The following MEF2A variants were observed in gnomAD, a reference collection of about 807,000 sequenced individuals.
MEF2A encodes the protein myocyte enhancer factor 2A.
A neutral mutation model predicts 55.8 loss-of-function variants in MEF2A; 28 were observed. That is an observed-to-expected ratio of 0.50 (90% CI 0.37 to 0.69). The LOEUF (loss-of-function observed/expected upper bound fraction) is 0.69. Among genes scored for constraint, MEF2A ranks in the 30% least tolerant of loss-of-function variants. The probability of loss-of-function intolerance (pLI) is 0.00; values close to 1 mark genes in which losing one functional copy is unlikely to be tolerated. For synonymous variants in MEF2A, 239 were observed against 227.1 expected, an observed-to-expected ratio of 1.05 and a Z score of -0.47; for missense variants, 528 against 626.2, an observed-to-expected ratio of 0.84 and a Z score of 1.67.
In MEF2A at chr15:99,692,924, G is replaced by A. The variant is rs372664932; in HGVS notation, c.858+2496G>A. ...GGTGAAGGAACAGGAAGACATGCTC[G>A]GTATGGAGCGATGCCAGGAGAGTGG... On this transcript the variant is annotated intron_variant, in intron 8 of 11. Transcript: ENST00000557942. 3.9e-5 allele frequency among the ~76,000 whole-genome samples: 6 copies of A among 152,304 alleles called. No homozygotes were observed. In the East Asian group the frequency reaches 7.7e-4, roughly 20 times the overall value.
chr15:99,706,735 C>CAA lies in MEF2A; in HGVS notation c.890_891insAA (p.Ile299GlyfsTer18). 6.2e-7 allele frequency: 1 copy of CAA among 1,613,078 alleles called. No individual in the cohort carries two copies. Among genetic ancestry groups the CAA allele is most frequent in the Non-Finnish European group, 8.5e-7 (1 of 1,179,104 alleles). On this transcript the variant is annotated frameshift_variant, in exon 10 of 12. Transcript: ENST00000557942. LOFTEE classifies it high-confidence loss of function. Reference sequence around the variant, plus strand: ...CTCTTTTTTGATCTCACAGAATACCCAGAGGATCAGTAGTTCTCAAGCCAC... The same window carrying CAA: ...CTCTTTTTTGATCTCACAGAATACCCAAAGAGGATCAGTAGTTCTCAAGCCAC...
chr15:99,596,135 A>G (rs1255427197), intron 1 of MEF2A, among the ~76,000 whole-genome samples: 1 of 152,208 alleles, frequency 6.6e-6, no homozygotes, highest in African/African-American at 2.4e-5. Flanking sequence ...TAGGTACAAC[A>G]TACATCATCA....
chr15:99,607,906 G>T (rs1364312284), intron 2 of MEF2A, among the ~76,000 whole-genome samples: 1 of 152,152 alleles, frequency 6.6e-6, no homozygotes, highest in Non-Finnish European at 1.5e-5. Flanking sequence ...AGTTCAAGGT[G>T]CCCTGTGATT....
At chr15:99,697,708 T>C (rs1056779042) in intron 8 of MEF2A, among the ~76,000 whole-genome samples, 4 of 152,244 alleles carry the variant, frequency 2.6e-5, no homozygotes, top group Non-Finnish European at 5.9e-5. Flanking sequence ...CAAGCTCTTT[T>C]GTAGTTACTA....
At chr15:99,604,164 A>G (rs1357312890) in intron 2 of MEF2A, among the ~76,000 whole-genome samples, 2 of 152,188 alleles carry the variant, frequency 1.3e-5, no homozygotes, top group Admixed American at 1.3e-4. Context: ...CTTTGCAATA[A>G]TGCTGCCTAG....
At chr15:99,661,360 G>GA (rs1185978043) in intron 4 of MEF2A, among the ~76,000 whole-genome samples, 5 of 146,236 alleles carry the variant, frequency 3.4e-5, no homozygotes, top group Non-Finnish European at 7.5e-5. Context: ...AACTGGAAAG[G>GA]AAAAAACTGA....
At chr15:99,632,190 TAC>T (rs150342548) in intron 2 of MEF2A, among the ~76,000 whole-genome samples, 2 of 152,080 alleles carry the variant, frequency 1.3e-5, no homozygotes, top group African/African-American at 2.4e-5. Flanking sequence ...TTAAAATTTA[TAC>T]ACACACACAC....
chr15:99,698,913 T>C (rs1042852912), intron 8 of MEF2A, among the ~76,000 whole-genome samples: 6 of 152,060 alleles, frequency 3.9e-5, no homozygotes, highest in East Asian at 1.9e-4. Flanking sequence ...TCAGTTCTTA[T>C]GAATTTAAAT....
At position 99,715,725 on chromosome 15, in the gene MEF2A, T is replaced by TAAAG. The variant is rs1001505247; in HGVS notation, c.*2957_*2960dup. On this transcript the variant is annotated 3_prime_UTR_variant, in exon 12 of 12. Coordinates refer to ENST00000557942, the MANE Select transcript of MEF2A (RefSeq NM_001319206.4). The stretch of plus-strand genomic sequence containing the variant: ...TATCCCTCCAGAAGTATTTTATTAC[T>TAAAG]AAAGAACAAAAGCAAAAAAAGCTTA... 1 of 152,202 alleles carries TAAAG rather than the reference T, an allele frequency of 6.6e-6. No individual in the cohort carries two copies. The highest frequency in any genetic ancestry group is 2.4e-5 in the African/African-American group (1 of 41,460). The allele number at this position is 152,202 out of a possible 1,614,324, so 9.4% of individuals were successfully genotyped here. A position where few individuals can be genotyped will look rare whatever the true frequency, so the allele number is the denominator to read the frequency against.
chr15:99,623,324 C>T (rs1428118378), intron 2 of MEF2A, among the ~76,000 whole-genome samples: 1 of 152,186 alleles, frequency 6.6e-6, no homozygotes. Context: ...ATTCAGGTTG[C>T]TTCCACCTTT....
intron 2 of MEF2A, among the ~76,000 whole-genome samples, chr15:99,625,262 G>C (rs2041879130): frequency 6.6e-6 from 1 of 152,028 alleles, no homozygotes; most frequent in Non-Finnish European, 1.5e-5. Context: ...TTAATGTATA[G>C]AATTGCAGCT....
chr15:99,661,546 A>G (rs2048643074), intron 4 of MEF2A, among the ~76,000 whole-genome samples: 2 of 152,050 alleles, frequency 1.3e-5, no homozygotes, highest in South Asian at 2.1e-4. Context: ...CTATAAAACA[A>G]TTATCAAAAG....
chr15:99,598,946 T>C (rs1358306666), intron 2 of MEF2A, among the ~76,000 whole-genome samples: 5 of 152,098 alleles, frequency 3.3e-5, no homozygotes, highest in African/African-American at 1.2e-4. Flanking sequence ...TCATGAAGCA[T>C]GGGAAAGGTC....
intron 1 of MEF2A, among the ~76,000 whole-genome samples, chr15:99,581,968 T>C (rs1464972231): frequency 6.6e-6 from 1 of 151,890 alleles, no homozygotes; most frequent in Non-Finnish European, 1.5e-5. Context: ...TTTGGCTAGA[T>C]TGGAGGGTTT....
intron 2 of MEF2A, among the ~76,000 whole-genome samples, chr15:99,609,920 G>T (rs1976525828): frequency 6.6e-6 from 1 of 152,000 alleles, no homozygotes; most frequent in Non-Finnish European, 1.5e-5. Flanking sequence ...TTAAAACTGG[G>T]ATTAAAATTA....
intron 3 of MEF2A, among the ~76,000 whole-genome samples, chr15:99,638,445 A>G (rs1001520950): frequency 6.6e-6 from 1 of 152,028 alleles, no homozygotes; most frequent in Non-Finnish European, 1.5e-5. Flanking sequence ...TTTGTATCCC[A>G]TACATTTCTT....
chr15:99,692,778 T>C (rs2055741000), intron 8 of MEF2A, among the ~76,000 whole-genome samples: 1 of 152,220 alleles, frequency 6.6e-6, no homozygotes, highest in African/African-American at 2.4e-5. Flanking sequence ...GATCTTTTTG[T>C]CTTCTTTCTC....
intron 4 of MEF2A, among the ~76,000 whole-genome samples, chr15:99,654,206 TTATTTGA>T (rs1410215469): frequency 1.3e-5 from 2 of 152,150 alleles, no homozygotes; most frequent in African/African-American, 4.8e-5. Flanking sequence ...TTTGTGAAAG[TTATTTGA>T]TATTAGACTC....
At chr15:99,596,549 A>C (rs985259304) in intron 1 of MEF2A, among the ~76,000 whole-genome samples, 2 of 152,218 alleles carry the variant, frequency 1.3e-5, no homozygotes, top group Admixed American at 1.3e-4. Flanking sequence ...AATCAGGGTC[A>C]TAATAATTAA....
Sources: allele counts gnomAD v4.1 joint callset (sites outside exome capture counted in the v4.1 genomes callset), GRCh38; gene constraint gnomAD v4.1.1; transcripts MANE v1.5; gene names NCBI Gene and HGNC (gene_info 2026-07-23, HGNC 2026-07-21).